The following ADAMTS15 variants were observed in gnomAD, a reference collection of about 807,000 sequenced individuals.
The protein encoded by ADAMTS15 is ADAM metallopeptidase with thrombospondin type 1 motif 15, also known as A disintegrin and metalloproteinase with thrombospondin motifs 15.
Under a neutral mutation model 79.1 loss-of-function variants are expected in ADAMTS15, and 35 were observed. The observed-to-expected ratio is 0.44, with a 90% CI of 0.34 to 0.59. The LOEUF (loss-of-function observed/expected upper bound fraction) is 0.59. ADAMTS15 is among the 20% of genes least tolerant of loss of function. The pLI is 0.02. For missense variants in ADAMTS15, 1,324 were observed against 1,318.7 expected, an observed-to-expected ratio of 1.00 and a Z score of -0.06; for synonymous variants, 616 against 567.3, an observed-to-expected ratio of 1.09 and a Z score of -1.22.
At position 130,475,875 on chromosome 11, in the gene ADAMTS15, G is replaced by A. The variant is rs963779682; in HGVS notation, c.*2054G>A. ...GGAGAGGGTGGCATGGGGTCTGTGC[G>A]GGATGGCAGGGGGATTGGGTGGGTG... On this transcript the variant is annotated 3_prime_UTR_variant, in exon 8 of 8. Transcript: ENST00000299164. 6 of 151,912 alleles carry A rather than the reference G, an allele frequency of 3.9e-5. No individual in the cohort carries two copies. Among genetic ancestry groups the A allele is most frequent in the Non-Finnish European group, 5.9e-5 (4 of 68,004 alleles). 9.4% of individuals were successfully genotyped at this position (151,912 alleles called of 1,614,324 possible).
In ADAMTS15 at chr11:130,462,084, C is replaced by T. The variant is rs749353324; in HGVS notation, c.1091-3C>T. 1.2e-6 allele frequency: 2 copies of T among 1,611,686 alleles called. No homozygotes were observed. Among genetic ancestry groups the T allele is most frequent in the South Asian group, 1.1e-5 (1 of 90,658 alleles). ...CTCTCAGTCCTCTTGCCTTACCCCA[C>T]AGGCCACGTGTTCAACATGCCCCAT... On this transcript the variant is annotated splice_region_variant and splice_polypyrimidine_tract_variant and intron_variant, in intron 2 of 7. Transcript: ENST00000299164. The surrounding 1 kb of genome is among the most constrained non-coding windows in gnomAD (Gnocchi z 4.3).
At chr11:130,470,212 A>ATATATATATATATATATATATATGTG (rs1938422915) in intron 5 of ADAMTS15, among the ~76,000 whole-genome samples, 21 of 52,270 alleles carry the variant, frequency 4.0e-4, no homozygotes, top group Non-Finnish European at 6.9e-4. Flanking sequence ...ATATATATGT[A>ATATATATATATATATATATATATGTG]TATATATATA....
Position 130,472,086 on chromosome 11 carries a change from T to C in ADAMTS15, c.2078+703T>C, listed in dbSNP as rs1008354766. The stretch of plus-strand genomic sequence containing the variant: ...CTTGAGCTTCCTGAGGTCAAACATA[T>C]GCTCCTTGGAAAGCCCTGACCCACG... On this transcript the variant is annotated intron_variant, in intron 7 of 7. Transcript: ENST00000299164. The surrounding 1 kb of genome is among the most constrained non-coding windows in gnomAD (Gnocchi z 4.7). 3.3e-5 allele frequency among the ~76,000 whole-genome samples: 5 copies of C among 152,200 alleles called. No individual in the cohort carries two copies. The highest frequency in any genetic ancestry group is 7.3e-5 in the Non-Finnish European group (5 of 68,030).
At position 130,462,019 on chromosome 11, in the gene ADAMTS15, C is replaced by G; in HGVS notation, c.1091-68C>G. On this transcript the variant is annotated intron_variant, in intron 2 of 7. Coordinates refer to ENST00000299164, the MANE Select transcript of ADAMTS15 (RefSeq NM_139055.4). The surrounding 1 kb of genome is among the most constrained non-coding windows in gnomAD (Gnocchi z 4.3). ...TGACATGGGCTTTCTAGTTCCCCTG[C>G]CCCATTCCTCCCTCCAACCCCCATG... 1.5e-6 allele frequency: 2 copies of G among 1,357,766 alleles called. No individual in the cohort carries two copies. The highest frequency in any genetic ancestry group is 2.1e-6 in the Non-Finnish European group (2 of 967,120). 84.1% of individuals were successfully genotyped at this position (1,357,766 alleles called of 1,614,324 possible).
Position 130,473,377 on chromosome 11 carries a change from G to T in ADAMTS15, c.2409G>T (p.Glu803Asp). 6.2e-7 allele frequency: 1 copy of T among 1,612,828 alleles called. No individual in the cohort carries two copies. The highest frequency in any genetic ancestry group is 8.5e-7 in the Non-Finnish European group (1 of 1,179,992). ...RVRYSFYLPK[E>D]PREDKSSHPK... ...GCTACTCCTTCTATCTGCCCAAAGA[G>T]CCTCGGGAGGACAAGTCCTCTCATC... Residue 803 changes from glutamate (E) to aspartate (D), a missense_variant, in exon 8 of 8, where the codon GAG becomes GAT. Physicochemically the swap from Glu to Asp is conservative, Grantham distance 45 (BLOSUM62 2). Transcript: ENST00000299164.
intron 1 of ADAMTS15, among the ~76,000 whole-genome samples, chr11:130,459,115 A>T (rs898403812): frequency 1.4e-5 from 2 of 139,078 alleles, no homozygotes; most frequent in African/African-American, 2.8e-5. Flanking sequence ...GTCACTGTAG[A>T]TTACCCTCCC....
Position 130,469,429 on chromosome 11 carries a change from C to T in ADAMTS15, c.1710C>T (p.Cys570=). Residue 570 remains cysteine, a synonymous_variant, in exon 5 of 8, where the codon TGC becomes TGT. Coordinates refer to ENST00000299164, the MANE Select transcript of ADAMTS15 (RefSeq NM_139055.4). ...ACCGATCCTGCAATCTGGAGCCCTGCCCCAGCTCAGGTGAGGTGGGGAGAG... is the reference window on the plus strand; with the variant it reads ...ACCGATCCTGCAATCTGGAGCCCTGTCCCAGCTCAGGTGAGGTGGGGAGAG... ...VKYRSCNLEP[C]PSSASGKSFR... The T allele has an allele frequency of 1.5e-6, 2 of 1,340,272 alleles. No individual in the cohort carries two copies. The allele number at this position is 1,340,272 out of a possible 1,614,324, so 83.0% of individuals were successfully genotyped here. A position where few individuals can be genotyped will look rare whatever the true frequency, so the allele number is the denominator to read the frequency against.
In ADAMTS15 at chr11:130,472,952, C is replaced by G. The variant is rs549122678; in HGVS notation, c.2079-95C>G. ...CTTTTACTCCCATGCCAGAATTCACCGAAAGCTAGGTTTACTGAGGAAAAC... is the reference window on the plus strand; with the variant it reads ...CTTTTACTCCCATGCCAGAATTCACGGAAAGCTAGGTTTACTGAGGAAAAC... On this transcript the variant is annotated intron_variant, in intron 7 of 7. Transcript: ENST00000299164. The surrounding 1 kb of genome is among the most constrained non-coding windows in gnomAD (Gnocchi z 4.7). 6.6e-7 allele frequency: 1 copy of G among 1,520,242 alleles called. No homozygotes were observed. The highest frequency in any genetic ancestry group is 1.3e-5 in the South Asian group (1 of 77,836). The allele number at this position is 1,520,242 out of a possible 1,614,324, so 94.2% of individuals were successfully genotyped here.
At chr11:130,466,572 A>T (rs2134732288) in intron 4 of ADAMTS15, among the ~76,000 whole-genome samples, 1 of 152,188 alleles carries the variant, frequency 6.6e-6, no homozygotes, top group South Asian at 2.1e-4. Flanking sequence ...ATTTCTCACC[A>T]CTTCATCTGC....
At position 130,462,025 on chromosome 11, in the gene ADAMTS15, T is replaced by G; in HGVS notation, c.1091-62T>G. ...GGGCTTTCTAGTTCCCCTGCCCCAT[T>G]CCTCCCTCCAACCCCCATGTCCTTC... On this transcript the variant is annotated intron_variant, in intron 2 of 7. Coordinates refer to ENST00000299164, the MANE Select transcript of ADAMTS15 (RefSeq NM_139055.4). This position sits in a 1 kb window ranked among gnomAD's most constrained non-coding sequence, Gnocchi z 4.3. 18 of 1,203,290 alleles carry G rather than the reference T, an allele frequency of 1.5e-5. No homozygotes were observed. The highest frequency in any genetic ancestry group is 1.9e-5 in the Non-Finnish European group (16 of 828,256). The allele number at this position is 1,203,290 out of a possible 1,614,324, so 74.5% of individuals were successfully genotyped here. A position where few individuals can be genotyped will look rare whatever the true frequency, so the allele number is the denominator to read the frequency against.
chr11:130,453,195 G>A (rs1938000607), intron 1 of ADAMTS15, among the ~76,000 whole-genome samples: 1 of 152,064 alleles, frequency 6.6e-6, no homozygotes, highest in South Asian at 2.1e-4. Flanking sequence ...GCTGGGGAGG[G>A]GAGCTTGTTT....
intron 1 of ADAMTS15, among the ~76,000 whole-genome samples, chr11:130,457,253 G>A (rs1405049949): frequency 1.3e-5 from 2 of 151,120 alleles, no homozygotes; most frequent in African/African-American, 4.9e-5. Context: ...AAAAGTTAAT[G>A]TGCTTGATTT....
At chr11:130,466,754 G>A (rs1016263751) in intron 4 of ADAMTS15, among the ~76,000 whole-genome samples, 2 of 152,186 alleles carry the variant, frequency 1.3e-5, no homozygotes, top group African/African-American at 2.4e-5. Context: ...TAGGGGCTTT[G>A]CCCCGGCTCC....
Position 130,449,095 on chromosome 11 carries a change from A to G in ADAMTS15, c.122A>G (p.Tyr41Cys). The G allele has an allele frequency of 2.5e-6, 4 of 1,581,330 alleles. No individual in the cohort carries two copies. The highest frequency in any genetic ancestry group is 3.5e-6 in the Non-Finnish European group (4 of 1,159,044). Residue 41 changes from tyrosine (Y) to cysteine (C), a missense_variant, in exon 1 of 8, where the codon TAC (tyrosine) becomes TGC (cysteine). By Grantham distance (194) the Tyr-to-Cys change is radical. Coordinates refer to ENST00000299164, the MANE Select transcript of ADAMTS15 (RefSeq NM_139055.4). The surrounding 1 kb of genome is among the most constrained non-coding windows in gnomAD (Gnocchi z 7.8). ...LDPDINGRRY[Y>C]WRGPEDSGDQ... is the part of the protein sequence containing the mutation. ...CCGGACATTAACGGCCGCCGCTACTACTGGCGGGGTCCCGAGGACTCCGGG... is the reference window on the plus strand; with the variant it reads ...CCGGACATTAACGGCCGCCGCTACTGCTGGCGGGGTCCCGAGGACTCCGGG...
intron 7 of ADAMTS15, among the ~76,000 whole-genome samples, 164 bp downstream of exon 7, chr11:130,471,547 A>G (rs1176081134): frequency 8.6e-5 from 13 of 151,968 alleles, no homozygotes; most frequent in African/African-American, 2.7e-4. Flanking sequence ...TCCTTCACTC[A>G]CTCATTCATT....
intron 5 of ADAMTS15, among the ~76,000 whole-genome samples, chr11:130,470,159 T>C (rs1358599161): frequency 8.0e-5 from 4 of 50,180 alleles, no homozygotes; most frequent in African/African-American, 3.6e-4. Flanking sequence ...TATGTGTATA[T>C]ATATATATAT....
intron 5 of ADAMTS15, among the ~76,000 whole-genome samples, chr11:130,470,162 A>ATATATATATATATATATGTG: frequency 1.8e-5 from 1 of 56,580 alleles, no homozygotes; most frequent in Non-Finnish European, 3.3e-5. Flanking sequence ...GTGTATATAT[A>ATATATATATATATATATGTG]TATATATATA....
intron 4 of ADAMTS15, among the ~76,000 whole-genome samples, chr11:130,466,773 G>A (rs12416827): frequency 0.4 from 60,955 of 151,948 alleles, 12,676 homozygotes; most frequent in African/African-American, 0.46. Context: ...CCCATTTCTC[G>A]CTGCCTTGTT....
intron 1 of ADAMTS15, among the ~76,000 whole-genome samples, chr11:130,456,011 T>C (rs1938071301): frequency 6.6e-6 from 1 of 152,174 alleles, no homozygotes; most frequent in Admixed American, 6.5e-5. Flanking sequence ...ACCCTGCCGC[T>C]GTGCTGCCTG....
Sources: allele counts gnomAD v4.1 joint callset (sites outside exome capture counted in the v4.1 genomes callset), GRCh38; gene constraint gnomAD v4.1.1; non-coding constraint Gnocchi (gnomAD v3.1); transcripts MANE v1.5; gene names NCBI Gene and HGNC (gene_info 2026-07-23, HGNC 2026-07-21).